Variants in RAP1GDS1 observed in about 807,000 individuals in gnomAD.
The protein encoded by RAP1GDS1 is RAP1, GTP-GDP dissociation stimulator 1.
A neutral mutation model predicts 71.1 loss-of-function variants in RAP1GDS1; 35 were observed. That is an observed-to-expected ratio of 0.49 (90% confidence interval 0.38 to 0.65). The LOEUF (loss-of-function observed/expected upper bound fraction) is 0.65, where lower values mean the gene tolerates loss of function less well. Among genes scored for constraint, RAP1GDS1 ranks in the 30% least tolerant of loss-of-function variants. The probability of loss-of-function intolerance (pLI) is 0.00; values close to 1 mark genes in which losing one functional copy is unlikely to be tolerated. For synonymous variants in RAP1GDS1, 229 were observed against 243.1 expected, an observed-to-expected ratio of 0.94 and a Z score of 0.54; for missense variants, 663 against 706.1, an observed-to-expected ratio of 0.94 and a Z score of 0.69.
chr4:98,360,307 A>G (rs956041676), intron 4 of RAP1GDS1, among the ~76,000 whole-genome samples: 1 of 152,044 alleles, frequency 6.6e-6, no homozygotes, highest in Admixed American at 6.6e-5. Flanking sequence ...ATATTAGATG[A>G]TTTTTCTTGG....
intron 12 of RAP1GDS1, among the ~76,000 whole-genome samples, chr4:98,425,577 T>C (rs899082384): frequency 3.3e-5 from 5 of 152,212 alleles, no homozygotes; most frequent in African/African-American, 1.2e-4. Context: ...CAGGAATAGC[T>C]ATCTTGTATC....
At chr4:98,441,601 C>G (rs1342167180) in intron 14 of RAP1GDS1, 1 of 984,760 alleles carries the variant, frequency 1.0e-6, no homozygotes, top group African/African-American at 1.8e-5. Flanking sequence ...TCTCGTTTTT[C>G]TTTTTAAAAA....
At chr4:98,375,819 A>C (rs1741095364) in intron 4 of RAP1GDS1, among the ~76,000 whole-genome samples, 1 of 152,190 alleles carries the variant, frequency 6.6e-6, no homozygotes, top group African/African-American at 2.4e-5. Flanking sequence ...ACAAGGAGGA[A>C]ACGTAGTAAA....
chr4:98,432,003 T>A (rs1299556465), intron 12 of RAP1GDS1, among the ~76,000 whole-genome samples: 2 of 152,168 alleles, frequency 1.3e-5, no homozygotes, highest in African/African-American at 4.8e-5. Context: ...TACATAGGTA[T>A]ACATGTGCCG....
chr4:98,394,021 C>G (rs991012571), intron 6 of RAP1GDS1, among the ~76,000 whole-genome samples: 1 of 152,074 alleles, frequency 6.6e-6, no homozygotes, highest in Non-Finnish European at 1.5e-5. Flanking sequence ...TTAAGGCCCT[C>G]CCTTTTGAAG....
chr4:98,287,659 T>C (rs530872755), intron 1 of RAP1GDS1, among the ~76,000 whole-genome samples: 1 of 152,344 alleles, frequency 6.6e-6, no homozygotes, highest in African/African-American at 2.4e-5. Flanking sequence ...TTTCATTAAA[T>C]AGAATAGTTT....
At chr4:98,416,592 C>T (rs1234895949) in intron 7 of RAP1GDS1, among the ~76,000 whole-genome samples, 153 bp from the exon 8 acceptor site, 1 of 151,632 alleles carries the variant, frequency 6.6e-6, no homozygotes, top group Non-Finnish European at 1.5e-5. Flanking sequence ...CCTTGTGATC[C>T]GCCCATCTCG....
chr4:98,401,905 T>C (rs1020821186), intron 6 of RAP1GDS1, among the ~76,000 whole-genome samples: 4 of 152,082 alleles, frequency 2.6e-5, no homozygotes, highest in Non-Finnish European at 5.9e-5. Flanking sequence ...AGAGTACCAA[T>C]ACTATTATTT....
intron 2 of RAP1GDS1, among the ~76,000 whole-genome samples, chr4:98,337,818 A>G (rs1485731291): frequency 6.6e-6 from 1 of 152,180 alleles, no homozygotes; most frequent in Admixed American, 6.5e-5. Context: ...ATGGATTACT[A>G]TAAGTAATTT....
chr4:98,407,137 G>A (rs1392654756), intron 7 of RAP1GDS1, among the ~76,000 whole-genome samples: 2 of 152,160 alleles, frequency 1.3e-5, no homozygotes, highest in African/African-American at 4.8e-5. Flanking sequence ...CTTCCAATTT[G>A]TGTGAATATG....
intron 4 of RAP1GDS1, among the ~76,000 whole-genome samples, chr4:98,373,690 T>G (rs756137335): frequency 1.3e-5 from 2 of 152,214 alleles, no homozygotes; most frequent in African/African-American, 2.4e-5. Flanking sequence ...GTACCAAACC[T>G]GTATATATCA....
At chr4:98,296,132 A>G (rs1015261196) in intron 2 of RAP1GDS1, among the ~76,000 whole-genome samples, 1 of 152,072 alleles carries the variant, frequency 6.6e-6, no homozygotes, top group Non-Finnish European at 1.5e-5. Flanking sequence ...CAACTGTACC[A>G]TAATTGCACC....
At chr4:98,265,286 A>G (rs1055543791) in intron 1 of RAP1GDS1, among the ~76,000 whole-genome samples, 1 of 152,210 alleles carries the variant, frequency 6.6e-6, no homozygotes, top group African/African-American at 2.4e-5. Flanking sequence ...CTGGGTGATA[A>G]TGAGGATACG....
At chr4:98,279,453 ATGAT>A (rs1443044846) in intron 1 of RAP1GDS1, among the ~76,000 whole-genome samples, 1 of 151,766 alleles carries the variant, frequency 6.6e-6, no homozygotes, top group African/African-American at 2.4e-5. Context: ...TAACTAGTAA[ATGAT>A]TGTTGGAATT....
intron 1 of RAP1GDS1, among the ~76,000 whole-genome samples, chr4:98,277,355 T>A (rs1724374151): frequency 6.6e-6 from 1 of 152,220 alleles, no homozygotes; most frequent in African/African-American, 2.4e-5. Context: ...TACTTTCTTA[T>A]ACAAGAATCT....
chr4:98,289,665 CAG>C (rs1726634208), intron 1 of RAP1GDS1, among the ~76,000 whole-genome samples: 1 of 151,188 alleles, frequency 6.6e-6, no homozygotes, highest in African/African-American at 2.4e-5. Flanking sequence ...GACATGCTAA[CAG>C]AAACTACTAT....
chr4:98,391,850 T>A, intron 5 of RAP1GDS1, 102 bp from the exon 6 acceptor site: 1 of 1,129,376 alleles, frequency 8.9e-7, no homozygotes, highest in Non-Finnish European at 1.2e-6. Flanking sequence ...TAAATAACTT[T>A]GAGTTTCCAA....
chr4:98,326,760 T>A (rs114821638), intron 2 of RAP1GDS1, among the ~76,000 whole-genome samples: 1,813 of 152,286 alleles, frequency 0.012, 19 homozygotes, highest in South Asian at 0.019. Flanking sequence ...GGTTACAGGA[T>A]TCATTATTAA....
At chr4:98,376,102 T>C (rs7678647) in intron 4 of RAP1GDS1, among the ~76,000 whole-genome samples, 64,377 of 151,970 alleles carry the variant, frequency 0.42, 17,400 homozygotes, top group African/African-American at 0.78. Context: ...ATACTTGTGC[T>C]GGAAACTGCT....
Sources: allele counts gnomAD v4.1 joint callset (sites outside exome capture counted in the v4.1 genomes callset), GRCh38; gene constraint gnomAD v4.1.1; transcripts MANE v1.5; gene names NCBI Gene and HGNC (gene_info 2026-07-23, HGNC 2026-07-21).